KDM4C: variants seen among roughly 807,000 people sequenced by gnomAD.
KDM4C encodes lysine-specific demethylase 4C.
A neutral mutation model predicts 129.3 loss-of-function variants in KDM4C; 81 were observed. The ratio of observed to expected loss-of-function variants is 0.63; its 90% CI spans 0.52 to 0.75. The LOEUF (loss-of-function observed/expected upper bound fraction) is 0.75. Among genes scored for constraint, KDM4C ranks in the 30% least tolerant of loss-of-function variants. The probability of loss-of-function intolerance (pLI) is 0.00; values close to 1 mark genes in which losing one functional copy is unlikely to be tolerated. For synonymous variants in KDM4C, 573 were observed against 456.1 expected, an observed-to-expected ratio of 1.26 and a Z score of -3.26; for missense variants, 1,457 against 1,304.0, an observed-to-expected ratio of 1.12 and a Z score of -1.81.
chr9:6,740,388 A>G (rs1023685884), intron 1 of KDM4C, among the ~76,000 whole-genome samples: 2 of 151,874 alleles, frequency 1.3e-5, no homozygotes, highest in Non-Finnish European at 2.9e-5. Context: ...TATTTTTAGT[A>G]GAGATGGGGT....
At chr9:6,821,448 G>A (rs1231835741) in intron 4 of KDM4C, among the ~76,000 whole-genome samples, 3 of 152,134 alleles carry the variant, frequency 2.0e-5, no homozygotes, top group Admixed American at 1.3e-4. Context: ...TTGTGGTTTT[G>A]ATTTGCATTT....
intron 1 of KDM4C, among the ~76,000 whole-genome samples, chr9:6,722,144 C>T (rs889651602): frequency 6.6e-6 from 1 of 152,156 alleles, no homozygotes; most frequent in Non-Finnish European, 1.5e-5. Flanking sequence ...ATTTGGCATC[C>T]AACCTGAGCC....
chr9:6,831,317 A>G (rs1453834684), intron 4 of KDM4C, among the ~76,000 whole-genome samples: 2 of 151,928 alleles, frequency 1.3e-5, no homozygotes, highest in Non-Finnish European at 2.9e-5. Context: ...GTCATTATAG[A>G]CCCATACTCC....
chr9:6,748,699 AT>A (rs1817967002), intron 1 of KDM4C: 1 of 1,422,746 alleles, frequency 7.0e-7, no homozygotes, highest in Admixed American at 1.7e-5. Flanking sequence ...TTCATTGATC[AT>A]TTCTAGTTGG....
At chr9:6,933,779 T>G (rs912948959) in intron 8 of KDM4C, among the ~76,000 whole-genome samples, 2 of 152,208 alleles carry the variant, frequency 1.3e-5, no homozygotes, top group African/African-American at 4.8e-5. Context: ...GATTTTGGTA[T>G]GGCTGTTTTT....
intron 16 of KDM4C, 135 bp from the exon 17 acceptor site, chr9:7,048,957 C>A: frequency 1.5e-5 from 8 of 533,782 alleles, no homozygotes; most frequent in East Asian, 3.5e-5. Flanking sequence ...AGTTCAGAAT[C>A]TGTTTGTGAT....
upstream of KDM4C, among the ~76,000 whole-genome samples, chr9:6,754,848 C>A (rs1226276189): frequency 1.4e-5 from 2 of 139,854 alleles, no homozygotes; most frequent in African/African-American, 5.5e-5. Flanking sequence ...GCACTCCAGT[C>A]TGGGCAACAG....
chr9:6,812,497 G>A (rs62568860), intron 3 of KDM4C, among the ~76,000 whole-genome samples: 2 of 152,094 alleles, frequency 1.3e-5, no homozygotes, highest in South Asian at 2.1e-4. Flanking sequence ...GGGATGAAAC[G>A]GTCCTACCTC....
chr9:7,066,721 C>G lies in KDM4C; in HGVS notation c.2424+17521C>G, dbSNP rs768768635. Among the ~76,000 whole-genome samples, 8 of 152,040 alleles carry G rather than the reference C, an allele frequency of 5.3e-5. No individual in the cohort carries two copies. In the South Asian group the frequency reaches 1.0e-3, roughly 20 times the overall value. On this transcript the variant is annotated intron_variant, in intron 17 of 21. Coordinates refer to ENST00000381309, the MANE Select transcript of KDM4C (RefSeq NM_015061.6). ...AGTACTGCTCCAAATACTATGATGT[C>G]TTGGAGTTGTTTTTTGTAAATAATG...
At chr9:7,119,218 A>G (rs1189633655) in intron 18 of KDM4C, among the ~76,000 whole-genome samples, 3 of 152,174 alleles carry the variant, frequency 2.0e-5, no homozygotes, top group African/African-American at 7.2e-5. Flanking sequence ...AGTATATACA[A>G]GCACCATTAT....
intron 18 of KDM4C, among the ~76,000 whole-genome samples, chr9:7,105,043 A>G (rs1008102533): frequency 6.6e-6 from 1 of 152,138 alleles, no homozygotes; most frequent in African/African-American, 2.4e-5. Context: ...CAAGTTGCAT[A>G]TTCATTCATG....
At chr9:6,891,836 A>T (rs918053064) in intron 7 of KDM4C, among the ~76,000 whole-genome samples, 1 of 152,236 alleles carries the variant, frequency 6.6e-6, no homozygotes, top group South Asian at 2.1e-4. Context: ...TAATAAATAT[A>T]TTTCTTCCTT....
At chr9:7,166,095 T>C (rs115864841) in intron 20 of KDM4C, among the ~76,000 whole-genome samples, 1,793 of 152,288 alleles carry the variant, frequency 0.012, 39 homozygotes, top group African/African-American at 0.041. Flanking sequence ...AGCCAATACA[T>C]TGTAGAATTT....
At position 7,165,306 on chromosome 9, in the gene KDM4C, C is replaced by G; in HGVS notation, c.2850C>G (p.Gly950=). ...TCGTCCAAGTCAAGTGGCCCGATGG[C>G]AAACTCTATGGAGCAAAATATTTTG... ...GEVVQVKWPD[G]KLYGAKYFGS... is the part of the protein sequence containing the mutation. The change falls in exon 20 of 22, where the codon GGC becomes GGG. Residue 950 remains glycine, a synonymous_variant. Coordinates refer to ENST00000381309, the MANE Select transcript of KDM4C (RefSeq NM_015061.6). 1.2e-6 allele frequency: 2 copies of G among 1,614,188 alleles called. No homozygotes were observed. Among genetic ancestry groups the G allele is most frequent in the Non-Finnish European group, 1.7e-6 (2 of 1,180,014 alleles).
intron 8 of KDM4C, among the ~76,000 whole-genome samples, chr9:6,980,095 G>T (rs373399589): frequency 4.2e-4 from 64 of 152,220 alleles, no homozygotes; most frequent in Middle Eastern, 6.8e-3. Flanking sequence ...GTCTGTTACC[G>T]GGTATGTTAG....
intron 17 of KDM4C, among the ~76,000 whole-genome samples, chr9:7,063,781 G>T (rs1832037804): frequency 6.6e-6 from 1 of 152,176 alleles, no homozygotes; most frequent in African/African-American, 2.4e-5. Context: ...CCTAATCTGA[G>T]CCCTGGAGAG....
upstream of KDM4C, chr9:6,757,953 G>T: frequency 1.0e-6 from 1 of 985,362 alleles, no homozygotes; most frequent in Non-Finnish European, 1.2e-6. Flanking sequence ...ACGTGACGGC[G>T]CGCGCGCCCT....
intron 17 of KDM4C, among the ~76,000 whole-genome samples, chr9:7,055,192 A>C (rs931946410): frequency 6.6e-6 from 1 of 152,148 alleles, no homozygotes; most frequent in Non-Finnish European, 1.5e-5. Flanking sequence ...ACAAACAAAC[A>C]CAAAAAATTT....
At chr9:6,973,741 A>G (rs984328165) in intron 8 of KDM4C, 1 of 152,118 alleles carries the variant, frequency 6.6e-6, no homozygotes, top group African/African-American at 2.4e-5. Flanking sequence ...TGATTTGTTA[A>G]TCAATCCTCA....
Sources: allele counts gnomAD v4.1 joint callset (sites outside exome capture counted in the v4.1 genomes callset), GRCh38; gene constraint gnomAD v4.1.1; transcripts MANE v1.5; gene names NCBI Gene and HGNC (gene_info 2026-07-23, HGNC 2026-07-21).